NR3C1: variants seen among roughly 807,000 people sequenced by gnomAD.
NR3C1 encodes glucocorticoid receptor.
NR3C1 carries 14 observed loss-of-function variants against 74.0 expected under a neutral mutation model. The observed-to-expected ratio is 0.19, with a 90% CI of 0.12 to 0.30. NR3C1 has a LOEUF of 0.30. Ranked by LOEUF, NR3C1 falls within the 10% of genes least tolerant of loss-of-function variation. The pLI, the probability that NR3C1 is intolerant of heterozygous loss-of-function variation, is 1.00. For synonymous variants in NR3C1, 308 were observed against 332.5 expected, an observed-to-expected ratio of 0.93 and a Z score of 0.80; for missense variants, 695 against 909.8, an observed-to-expected ratio of 0.76 and a Z score of 3.04.
chr5:143,425,522 A>T (rs1751483910), intron 1 of NR3C1, among the ~76,000 whole-genome samples: 1 of 152,202 alleles, frequency 6.6e-6, no homozygotes, highest in African/African-American at 2.4e-5. Flanking sequence ...GAACTTTTAT[A>T]TTTCAACAAT....
chr5:143,390,690 C>T (rs529785121), intron 2 of NR3C1, among the ~76,000 whole-genome samples: 1 of 152,208 alleles, frequency 6.6e-6, no homozygotes, highest in East Asian at 1.9e-4. Context: ...AATAGTCACC[C>T]TGGGAAGCTA....
chr5:143,323,356 T>C (rs979048041), intron 2 of NR3C1, among the ~76,000 whole-genome samples: 1 of 151,834 alleles, frequency 6.6e-6, no homozygotes, highest in African/African-American at 2.4e-5. Flanking sequence ...AAGAGAAAAA[T>C]GAGGAAGAGG....
At chr5:143,298,471 T>A (rs1196019589) in intron 6 of NR3C1, among the ~76,000 whole-genome samples, 197 bp downstream of exon 6, 2 of 152,156 alleles carry the variant, frequency 1.3e-5, no homozygotes, top group African/African-American at 2.4e-5. Flanking sequence ...ACAGTAATAA[T>A]GCCACATGTA....
chr5:143,340,476 ATTTTTTTTTTT>A lies in NR3C1; in HGVS notation c.1185-26319_1185-26309del, dbSNP rs3074500. On this transcript the variant is annotated intron_variant, in intron 2 of 8. Coordinates refer to ENST00000394464, the MANE Select transcript of NR3C1 (RefSeq NM_000176.3). ...AGGGTTAGTTATCTCTTTAAAGATG[ATTTTTTTTTTT>A]TTTTTTTTTTTTTGAGACAGAGTCT... Among the ~76,000 whole-genome samples the A allele has an allele frequency of 1.2e-3, 109 of 89,154 alleles. 1 individual carries two copies. The highest frequency in any genetic ancestry group is 1.6e-3 in the African/African-American group (36 of 22,028). 58.5% of individuals were successfully genotyped at this position (89,154 alleles called of 152,430 possible).
chr5:143,324,592 G>C (rs1436127902), intron 2 of NR3C1, among the ~76,000 whole-genome samples: 1 of 152,180 alleles, frequency 6.6e-6, no homozygotes, highest in East Asian at 1.9e-4. Context: ...TTTTCCCCAT[G>C]GTCTTGGGGA....
intron 4 of NR3C1, among the ~76,000 whole-genome samples, chr5:143,305,216 A>G (rs1819321963): frequency 6.6e-6 from 1 of 152,228 alleles, no homozygotes; most frequent in African/African-American, 2.4e-5. Flanking sequence ...GGACATGAAC[A>G]GACACTTCTC....
At chr5:143,332,841 A>G (rs1826283104) in intron 2 of NR3C1, 1 of 1,465,164 alleles carries the variant, frequency 6.8e-7, no homozygotes, top group African/African-American at 1.4e-5. Flanking sequence ...CCTAAAGAAA[A>G]TTTTTAGTGG....
At chr5:143,294,324 T>C in intron 7 of NR3C1, 1 of 919,972 alleles carries the variant, frequency 1.1e-6, no homozygotes, top group Non-Finnish European at 1.3e-6. Context: ...AACTCAGTAT[T>C]TAATAAACAT....
chr5:143,309,553 C>T (rs910699986), intron 4 of NR3C1, among the ~76,000 whole-genome samples: 2 of 152,016 alleles, frequency 1.3e-5, no homozygotes, highest in African/African-American at 2.4e-5. Context: ...GGATTACAGG[C>T]GTGAGCCACT....
chr5:143,435,104 C>G, exon 1 of NR3C1: 1 of 985,420 alleles, frequency 1.0e-6, no homozygotes, highest in South Asian at 4.7e-5. Flanking sequence ...GGAATTTTAT[C>G]ATGCTCAACA....
At chr5:143,292,408 G>A (rs559869846) in intron 7 of NR3C1, among the ~76,000 whole-genome samples, 3 of 152,202 alleles carry the variant, frequency 2.0e-5, no homozygotes, top group Admixed American at 6.5e-5. Context: ...AATGAGACAA[G>A]AAGGCTAAGG....
At chr5:143,405,159 C>T, upstream of NR3C1, 1 of 985,594 alleles carries the variant, frequency 1.0e-6, no homozygotes, top group Non-Finnish European at 1.2e-6. Flanking sequence ...CCTTGTGCGG[C>T]ACAGATTATG....
chr5:143,313,166 A>G (rs1228142888), intron 3 of NR3C1, among the ~76,000 whole-genome samples: 3 of 152,354 alleles, frequency 2.0e-5, no homozygotes, highest in South Asian at 4.1e-4. Flanking sequence ...TGCTTTAGAA[A>G]TAACTAAATT....
chr5:143,401,239 T>C (rs1168155782), intron 1 of NR3C1: 2 of 242,012 alleles, frequency 8.3e-6, no homozygotes, highest in Non-Finnish European at 1.6e-5. Context: ...AAAGGAAGTG[T>C]GATCATTAAA....
intron 7 of NR3C1, among the ~76,000 whole-genome samples, chr5:143,283,530 C>A (rs1813601355): frequency 6.6e-6 from 1 of 152,170 alleles, no homozygotes; most frequent in Admixed American, 6.6e-5. Flanking sequence ...TTTATTCCAG[C>A]AATTATATCT....
Position 143,282,187 on chromosome 5 carries a change from C to T in NR3C1, c.2182-146G>A, listed in dbSNP as rs10482705. Reference sequence around the variant, plus strand: ...TCCCCAGATGAAAAATAAGCACTTCCGTACAAAACACATTTTATATTTCTT... The same window carrying T: ...TCCCCAGATGAAAAATAAGCACTTCTGTACAAAACACATTTTATATTTCTT... On this transcript the variant is annotated intron_variant, in intron 8 of 8. Transcript: ENST00000394464. 2.0e-3 allele frequency: 1,535 copies of T among 779,868 alleles called. 16 individuals are homozygous for T. The highest frequency in any genetic ancestry group is 0.018 in the African/African-American group (1,038 of 57,256). 48.3% of individuals were successfully genotyped at this position (779,868 alleles called of 1,614,324 possible). A position where few individuals can be genotyped will look rare whatever the true frequency, so the allele number is the denominator to read the frequency against.
At chr5:143,377,974 G>A (rs2151877366) in intron 2 of NR3C1, among the ~76,000 whole-genome samples, 1 of 152,286 alleles carries the variant, frequency 6.6e-6, no homozygotes, top group Admixed American at 6.5e-5. Context: ...TGGGGGCCAG[G>A]TGCAGTGGCT....
At chr5:143,355,252 C>G (rs1830928172) in intron 2 of NR3C1, among the ~76,000 whole-genome samples, 1 of 152,134 alleles carries the variant, frequency 6.6e-6, no homozygotes, top group African/African-American at 2.4e-5. Context: ...GAAGCAATAC[C>G]AGAAACATTT....
intron 2 of NR3C1, among the ~76,000 whole-genome samples, chr5:143,320,808 CCTT>C (rs1476361962): frequency 3.3e-5 from 5 of 152,288 alleles, no homozygotes; most frequent in African/African-American, 1.2e-4. Context: ...ACAGCTGTAT[CCTT>C]CTTTGCTCTT....
Sources: allele counts gnomAD v4.1 joint callset (sites outside exome capture counted in the v4.1 genomes callset), GRCh38; gene constraint gnomAD v4.1.1; transcripts MANE v1.5; gene names NCBI Gene and HGNC (gene_info 2026-07-23, HGNC 2026-07-21).